The following ATPSCKMT variants were observed in gnomAD, a reference collection of about 807,000 sequenced individuals.
ATPSCKMT encodes ATP synthase c subunit lysine N-methyltransferase.
Under a neutral mutation model 24.3 loss-of-function variants are expected in ATPSCKMT, and 24 were observed. The observed-to-expected ratio is 0.99, with a 90% CI of 0.71 to 1.39. The LOEUF (loss-of-function observed/expected upper bound fraction) is 1.39. ATPSCKMT is among the 40% of genes most tolerant of loss of function. The pLI, the probability that ATPSCKMT is intolerant of heterozygous loss-of-function variation, is 0.00. For missense variants in ATPSCKMT, 311 were observed against 298.4 expected, an observed-to-expected ratio of 1.04 and a Z score of -0.31; for synonymous variants, 95 against 110.5, an observed-to-expected ratio of 0.86 and a Z score of 0.88.
At chr5:10,228,938 T>G (rs1038248857) in intron 4 of ATPSCKMT, among the ~76,000 whole-genome samples, 1 of 152,206 alleles carries the variant, frequency 6.6e-6, no homozygotes, top group African/African-American at 2.4e-5. Flanking sequence ...CCTACAGGTT[T>G]ACCGATTTTC....
chr5:10,236,931 G>C, intron 2 of ATPSCKMT: 1 of 1,347,722 alleles, frequency 7.4e-7, no homozygotes, highest in Admixed American at 2.2e-5. Flanking sequence ...ACAAAACATT[G>C]CTGAAAATCC....
chr5:10,244,694 T>C (rs1744810489), intron 1 of ATPSCKMT, among the ~76,000 whole-genome samples: 2 of 152,094 alleles, frequency 1.3e-5, no homozygotes, highest in Non-Finnish European at 2.9e-5. Context: ...GGAGGATTGC[T>C]TGAAGCCAGG....
intron 4 of ATPSCKMT, among the ~76,000 whole-genome samples, chr5:10,228,713 T>C (rs906686): frequency 0.61 from 92,871 of 151,728 alleles, 29,663 homozygotes; most frequent in East Asian, 0.86. Context: ...TGAGACAAGA[T>C]TTATCGCCCA....
chr5:10,242,157 G>C (rs370714454), intron 1 of ATPSCKMT, among the ~76,000 whole-genome samples: 1 of 152,118 alleles, frequency 6.6e-6, no homozygotes, highest in Non-Finnish European at 1.5e-5. Flanking sequence ...AATGAAGTTT[G>C]CTGTATTGAT....
At chr5:10,241,166 C>T (rs1457662498) in intron 1 of ATPSCKMT, among the ~76,000 whole-genome samples, 1 of 152,122 alleles carries the variant, frequency 6.6e-6, no homozygotes, top group African/African-American at 2.4e-5. Context: ...GACCCCACAT[C>T]ACTCCAATCT....
At chr5:10,242,289 C>A (rs555602440) in intron 1 of ATPSCKMT, among the ~76,000 whole-genome samples, 238 of 152,298 alleles carry the variant, frequency 1.6e-3, no homozygotes, top group African/African-American at 5.4e-3. Flanking sequence ...ACTACTTTAT[C>A]AACTAAGTTT....
intron 1 of ATPSCKMT, among the ~76,000 whole-genome samples, chr5:10,245,627 G>T (rs966104893): frequency 2.6e-5 from 4 of 151,654 alleles, no homozygotes; most frequent in Admixed American, 6.6e-5. Flanking sequence ...TGCATCTGTG[G>T]TCCCTGCTAC....
intron 1 of ATPSCKMT, chr5:10,249,616 G>T (rs1314300053): frequency 1.9e-6 from 1 of 524,688 alleles, no homozygotes; most frequent in Non-Finnish European, 3.2e-6. Flanking sequence ...TGAGTCACTT[G>T]CACTAAGTAG....
At chr5:10,234,902 C>T (rs769367808) in intron 4 of ATPSCKMT, among the ~76,000 whole-genome samples, 6 of 152,172 alleles carry the variant, frequency 3.9e-5, no homozygotes, top group South Asian at 2.1e-4. Flanking sequence ...TGGAAGTGAG[C>T]GGCTGTGAAA....
Position 10,227,184 on chromosome 5 carries a change from A to C in ATPSCKMT, c.*257T>G. 1 of 478,824 alleles carries C rather than the reference A, an allele frequency of 2.1e-6. No individual in the cohort carries two copies. The highest frequency in any genetic ancestry group is 2.2e-5 in the South Asian group (1 of 45,684). The allele number at this position is 478,824 out of a possible 1,614,324, so 29.7% of individuals were successfully genotyped here. Reference sequence around the variant, plus strand: ...TCTTATTTTCCTACCCATAACCATGACCATCACTTATTCATCTTTTCATGC... The same window carrying C: ...TCTTATTTTCCTACCCATAACCATGCCCATCACTTATTCATCTTTTCATGC... On this transcript the variant is annotated 3_prime_UTR_variant, in exon 5 of 5. Transcript: ENST00000511437.
At chr5:10,230,270 A>T (rs200608774) in intron 4 of ATPSCKMT, among the ~76,000 whole-genome samples, 1 of 148,168 alleles carries the variant, frequency 6.7e-6, no homozygotes, top group Non-Finnish European at 1.5e-5. Flanking sequence ...AGTATAGATT[A>T]AAAAAAAAAA....
At chr5:10,249,764 C>T in intron 1 of ATPSCKMT, 94 bp downstream of exon 1, 1 of 1,490,616 alleles carries the variant, frequency 6.7e-7, no homozygotes, top group South Asian at 1.3e-5. Context: ...CGGTCACCGC[C>T]TCGACAGTGG....
Position 10,227,216 on chromosome 5 carries a change from G to A in ATPSCKMT, c.*225C>T. On this transcript the variant is annotated 3_prime_UTR_variant, in exon 5 of 5. Coordinates refer to ENST00000511437, the MANE Select transcript of ATPSCKMT (RefSeq NM_199133.4). ...CTTATTCATCTTTTCATGCATCCAG[G>A]TGCATGGAAAGGCAGTAAGTACAAT... 3.7e-6 allele frequency: 2 copies of A among 534,702 alleles called. No individual in the cohort carries two copies. The highest frequency in any genetic ancestry group is 2.1e-5 in the South Asian group (1 of 47,130). 33.1% of individuals were successfully genotyped at this position (534,702 alleles called of 1,614,324 possible). A position where few individuals can be genotyped will look rare whatever the true frequency, so the allele number is the denominator to read the frequency against.
intron 4 of ATPSCKMT, among the ~76,000 whole-genome samples, chr5:10,229,327 C>G (rs575376525): frequency 6.6e-6 from 1 of 152,234 alleles, no homozygotes; most frequent in African/African-American, 2.4e-5. Context: ...GTTATCGGAC[C>G]GAGTGGCCCT....
At chr5:10,232,117 G>A (rs917929208) in intron 4 of ATPSCKMT, among the ~76,000 whole-genome samples, 26 of 152,106 alleles carry the variant, frequency 1.7e-4, no homozygotes, top group African/African-American at 5.6e-4. Context: ...ACAGGTGATC[G>A]CTTGAACCCA....
At position 10,225,645 on chromosome 5, in the gene ATPSCKMT, C is replaced by A. The variant is rs1287222604; in HGVS notation, c.*1796G>T. Among the ~76,000 whole-genome samples, 1 of 152,176 alleles carries A rather than the reference C, an allele frequency of 6.6e-6. No homozygotes were observed. The highest frequency in any genetic ancestry group is 1.5e-5 in the Non-Finnish European group (1 of 68,032). On this transcript the variant is annotated 3_prime_UTR_variant, in exon 5 of 5. Transcript: ENST00000511437. ...CATCAGATCTCATTAAACTTACTCACTATCATGAGAACAGCACAGGAAAGA... is the reference window on the plus strand; with the variant it reads ...CATCAGATCTCATTAAACTTACTCAATATCATGAGAACAGCACAGGAAAGA...
intron 1 of ATPSCKMT, among the ~76,000 whole-genome samples, chr5:10,240,679 T>C (rs2607326): frequency 0.22 from 33,075 of 152,012 alleles, 4,916 homozygotes; most frequent in East Asian, 0.79. Context: ...TAAGAAATTG[T>C]CACAAAATTA....
Position 10,239,160 on chromosome 5 carries a change from T to A in ATPSCKMT, c.213A>T (p.Val71=), listed in dbSNP as rs766235579. 2 of 1,614,050 alleles carry A rather than the reference T, an allele frequency of 1.2e-6. No individual in the cohort carries two copies. Among genetic ancestry groups the A allele is most frequent in the Non-Finnish European group, 1.7e-6 (2 of 1,180,042 alleles). The change falls in exon 2 of 5, where the codon GTA becomes GTT. Residue 71 remains valine (V), a synonymous_variant. Transcript: ENST00000511437. ...PALRKVCLPF[V]PATTKQIENV... Reference sequence around the variant, plus strand: ...TTTCAATCTGCTTCGTAGTTGCAGGTACAAACGGCAAACAGACTTTTCGAA... The same window carrying A: ...TTTCAATCTGCTTCGTAGTTGCAGGAACAAACGGCAAACAGACTTTTCGAA...
At chr5:10,234,538 T>A (rs1455634872) in intron 4 of ATPSCKMT, among the ~76,000 whole-genome samples, 1 of 152,232 alleles carries the variant, frequency 6.6e-6, no homozygotes, top group Non-Finnish European at 1.5e-5. Flanking sequence ...TATCACAGCA[T>A]TTTAGCAAAC....
Sources: gnomAD v4.1 joint callset for allele counts (sites outside exome capture counted in the v4.1 genomes callset) on GRCh38, gnomAD v4.1.1 for gene constraint, MANE v1.5 for transcripts, NCBI Gene and HGNC (gene_info 2026-07-23, HGNC 2026-07-21) for gene names.